The following DLG2 variants were observed in gnomAD, a reference collection of about 807,000 sequenced individuals.
The protein encoded by DLG2 is disks large homolog 2.
In DLG2, 45 loss-of-function variants were observed where a neutral mutation model predicts 132.5. The ratio of observed to expected loss-of-function variants is 0.34; its 90% confidence interval spans 0.27 to 0.44. The LOEUF (loss-of-function observed/expected upper bound fraction) is 0.44. DLG2 is among the 20% of genes least tolerant of loss of function. The pLI, the probability that DLG2 is intolerant of heterozygous loss-of-function variation, is 1.00. For synonymous variants in DLG2, 424 were observed against 419.6 expected (o/e 1.01, Z -0.13); for missense variants, 1,045 against 1,196.9 (o/e 0.87, Z 1.87).
chr11:84,458,385 G>A (rs572888022), intron 7 of DLG2, among the ~76,000 whole-genome samples: 1 of 150,948 alleles, frequency 6.6e-6, no homozygotes, highest in South Asian at 2.1e-4. Context: ...CTGTTCAGAA[G>A]TATCCAAGTG....
intron 3 of DLG2, among the ~76,000 whole-genome samples, chr11:85,417,471 G>A (rs1597140014): frequency 6.6e-6 from 1 of 152,124 alleles, no homozygotes; most frequent in East Asian, 1.9e-4. Flanking sequence ...AATGAGTTAG[G>A]GAGGAGTGTC....
At chr11:83,945,989 C>G in intron 14 of DLG2, among the ~76,000 whole-genome samples, 1 of 123,524 alleles carries the variant, frequency 8.1e-6, no homozygotes, top group South Asian at 2.7e-4. Flanking sequence ...CTTTCTCTCT[C>G]TCTCTTTTTT....
intron 9 of DLG2, among the ~76,000 whole-genome samples, chr11:84,126,122 C>T (rs746108306): frequency 3.9e-5 from 6 of 152,056 alleles, no homozygotes; most frequent in Non-Finnish European, 7.4e-5. Context: ...TGGAGTGTAA[C>T]TCATGGGGCA....
At chr11:83,842,943 A>G (rs752797321) in intron 16 of DLG2, among the ~76,000 whole-genome samples, 9 of 151,928 alleles carry the variant, frequency 5.9e-5, no homozygotes, top group Non-Finnish European at 1.0e-4. Flanking sequence ...AAATCCTACA[A>G]CCTCCATGGT....
At chr11:85,191,162 G>GCACGCA (rs1555395220) in intron 4 of DLG2, among the ~76,000 whole-genome samples, 4 of 139,842 alleles carry the variant, frequency 2.9e-5, no homozygotes, top group Non-Finnish European at 6.1e-5. Context: ...GCGCACGCGC[G>GCACGCA]CACACACACA....
chr11:85,626,259 T>C (rs1224901233), intron 2 of DLG2, among the ~76,000 whole-genome samples: 1 of 152,210 alleles, frequency 6.6e-6, no homozygotes, highest in Non-Finnish European at 1.5e-5. Context: ...ACTGCACAAG[T>C]TTCTTTTTTA....
At chr11:84,974,559 G>C (rs1224518465) in intron 6 of DLG2, among the ~76,000 whole-genome samples, 1 of 152,144 alleles carries the variant, frequency 6.6e-6, no homozygotes, top group East Asian at 1.9e-4. Context: ...TGTGTGAAGG[G>C]AATAAATGGA....
intron 7 of DLG2, among the ~76,000 whole-genome samples, chr11:84,433,950 C>G (rs1425166593): frequency 1.3e-5 from 2 of 151,740 alleles, no homozygotes; most frequent in Non-Finnish European, 2.9e-5. Context: ...AACCTCATCT[C>G]TACAAAAAAA....
intron 16 of DLG2, among the ~76,000 whole-genome samples, chr11:83,864,471 A>G (rs2061960382): frequency 1.3e-5 from 2 of 152,182 alleles, no homozygotes; most frequent in East Asian, 3.8e-4. Context: ...GAATGAATAA[A>G]TGGTGCTTGT....
At chr11:84,955,769 C>T (rs1194173549) in intron 6 of DLG2, 2 of 152,140 alleles carry the variant, frequency 1.3e-5, no homozygotes, top group South Asian at 2.1e-4. Context: ...GGTCATCTTC[C>T]AGCACTCTAC....
chr11:84,186,671 C>A lies in DLG2; in HGVS notation c.574-23160G>T, dbSNP rs140296881. ...TTAGTATATGATCCGTCTCTGAACA[C>A]TCCTCCTATCTAGATTGCCAGTTCG... On this transcript the variant is annotated intron_variant, in intron 8 of 27. Coordinates refer to ENST00000376104, the MANE Select transcript of DLG2 (RefSeq NM_001142699.3). Among the ~76,000 whole-genome samples the A allele has an allele frequency of 5.0e-3, 757 of 152,000 alleles. 7 individuals are homozygous for A. The highest frequency in any genetic ancestry group is 0.017 in the African/African-American group (713 of 41,472).
intron 6 of DLG2, among the ~76,000 whole-genome samples, chr11:84,579,864 A>T (rs1233050491): frequency 1.3e-5 from 2 of 152,226 alleles, no homozygotes; most frequent in Non-Finnish European, 2.9e-5. Flanking sequence ...ATGGAGGCAT[A>T]CTTGACAGTA....
At chr11:85,212,561 T>C (rs907142457) in intron 4 of DLG2, among the ~76,000 whole-genome samples, 2 of 152,136 alleles carry the variant, frequency 1.3e-5, no homozygotes, top group African/African-American at 2.4e-5. Context: ...ACAAAATCTC[T>C]AGTTGAGTAA....
In DLG2 at chr11:83,561,014, G is replaced by A. The variant is rs545174202; in HGVS notation, c.1941-19156C>T. Among the ~76,000 whole-genome samples the A allele has an allele frequency of 3.3e-5, 5 of 152,176 alleles. No individual in the cohort carries two copies. In the South Asian group the frequency reaches 1.0e-3, roughly 32 times the overall value. On this transcript the variant is annotated intron_variant, in intron 19 of 27. Transcript: ENST00000376104. ...GAAACCTCAGGAAACTTACAACCAT[G>A]GCAGAAGGAGAATGGGAAGCAGGCT...
chr11:85,060,366 A>C (rs1372399651), intron 6 of DLG2, among the ~76,000 whole-genome samples: 1 of 150,292 alleles, frequency 6.7e-6, no homozygotes, highest in Non-Finnish European at 1.5e-5. Flanking sequence ...TTATAAATGA[A>C]TCTCATAATA....
At chr11:83,507,398 GATAT>G (rs35883560) in intron 21 of DLG2, among the ~76,000 whole-genome samples, 1 of 144,444 alleles carries the variant, frequency 6.9e-6, no homozygotes. Context: ...GAACAAATAG[GATAT>G]ATATATATAT....
chr11:85,365,515 G>A (rs760852839), intron 3 of DLG2, among the ~76,000 whole-genome samples: 19 of 152,156 alleles, frequency 1.2e-4, no homozygotes, highest in Non-Finnish European at 2.5e-4. Context: ...CATTGTGGAA[G>A]ACATTGTGGT....
chr11:85,099,811 T>C (rs1403090989), intron 6 of DLG2, among the ~76,000 whole-genome samples: 1 of 152,128 alleles, frequency 6.6e-6, no homozygotes, highest in Non-Finnish European at 1.5e-5. Flanking sequence ...ACATGATAGA[T>C]AGGGAGAGAT....
intron 6 of DLG2, among the ~76,000 whole-genome samples, chr11:84,536,405 G>A (rs1305883507): frequency 6.6e-6 from 1 of 151,788 alleles, no homozygotes; most frequent in Non-Finnish European, 1.5e-5. Context: ...TGAATTGGCT[G>A]CTTAGTAGAA....
Sources: allele counts gnomAD v4.1 joint callset (sites outside exome capture counted in the v4.1 genomes callset), GRCh38; gene constraint gnomAD v4.1.1; transcripts MANE v1.5; gene names NCBI Gene and HGNC (gene_info 2026-07-23, HGNC 2026-07-21).